The following TAFA1 variants were observed in gnomAD, a reference collection of about 807,000 sequenced individuals.
TAFA1 encodes the protein chemokine-like protein TAFA-1.
A neutral mutation model predicts 18.5 loss-of-function variants in TAFA1; 4 were observed. The ratio of observed to expected loss-of-function variants is 0.22; its 90% CI spans 0.11 to 0.49. The LOEUF (loss-of-function observed/expected upper bound fraction) is 0.49. TAFA1 is among the 20% of genes least tolerant of loss of function. TAFA1 has a pLI of 0.98. For missense variants in TAFA1, 147 were observed against 169.0 expected, an observed-to-expected ratio of 0.87 and a Z score of 0.72; for synonymous variants, 56 against 55.2, an observed-to-expected ratio of 1.01 and a Z score of -0.06.
At chr3:68,103,782 CCTTA>C (rs2065175057) in intron 2 of TAFA1, among the ~76,000 whole-genome samples, 2 of 152,128 alleles carry the variant, frequency 1.3e-5, no homozygotes, top group Admixed American at 1.3e-4. Flanking sequence ...GTCCTAAACA[CCTTA>C]CATGAATCAC....
intron 2 of TAFA1, among the ~76,000 whole-genome samples, chr3:68,219,554 C>T (rs1391774072): frequency 1.3e-5 from 2 of 152,100 alleles, no homozygotes; most frequent in African/African-American, 4.8e-5. Context: ...CCAGGGATCA[C>T]TCTCAGCTTC....
intron 2 of TAFA1, among the ~76,000 whole-genome samples, chr3:68,132,253 C>T (rs2065549320): frequency 6.6e-6 from 1 of 152,148 alleles, no homozygotes; most frequent in African/African-American, 2.4e-5. Context: ...TGTATATGTA[C>T]CACATTTTCT....
At chr3:68,285,985 G>A (rs570754428) in intron 2 of TAFA1, among the ~76,000 whole-genome samples, 2 of 152,222 alleles carry the variant, frequency 1.3e-5, no homozygotes, top group South Asian at 4.1e-4. Flanking sequence ...GGCTGAGGCA[G>A]GCAGATCACG....
intron 2 of TAFA1, among the ~76,000 whole-genome samples, chr3:68,088,894 C>T (rs1184420039): frequency 6.6e-6 from 1 of 152,098 alleles, no homozygotes; most frequent in Non-Finnish European, 1.5e-5. Context: ...CACATTCTGG[C>T]TCTATGTAAT....
intron 1 of TAFA1, chr3:68,006,410 T>C (rs933093778): frequency 9.7e-6 from 5 of 515,422 alleles, no homozygotes; most frequent in African/African-American, 9.5e-5. Flanking sequence ...GAGTTTTGTT[T>C]TGCAGAATTA....
At chr3:68,250,988 T>G (rs2067185116) in intron 2 of TAFA1, 1 of 152,168 alleles carries the variant, frequency 6.6e-6, no homozygotes, top group Non-Finnish European at 1.5e-5. Flanking sequence ...AACTTTTCAT[T>G]GCTTTTAGTT....
intron 2 of TAFA1, among the ~76,000 whole-genome samples, chr3:68,224,667 C>T (rs1472039591): frequency 6.6e-6 from 1 of 152,122 alleles, no homozygotes; most frequent in African/African-American, 2.4e-5. Flanking sequence ...CTCATAGGCT[C>T]TCATTTATGG....
chr3:67,995,947 C>T, the TAFA1 span, among the ~76,000 whole-genome samples: 55 of 152,268 alleles, frequency 3.6e-4, 1 homozygote, highest in East Asian at 4.8e-3. Flanking sequence ...TTCATTCATT[C>T]GCACATTCAT....
intron 2 of TAFA1, among the ~76,000 whole-genome samples, chr3:68,314,646 T>G (rs1392886204): frequency 6.6e-6 from 1 of 152,340 alleles, no homozygotes; most frequent in South Asian, 2.1e-4. Context: ...GCCTTTTCAC[T>G]GATACTAGTG....
chr3:68,532,293 G>T (rs2073199244), intron 3 of TAFA1, among the ~76,000 whole-genome samples: 1 of 152,162 alleles, frequency 6.6e-6, no homozygotes, highest in African/African-American at 2.4e-5. Context: ...GGCAAAACCT[G>T]GCAAAGAAAG....
At chr3:68,488,778 G>C (rs1197400505) in intron 3 of TAFA1, among the ~76,000 whole-genome samples, 1 of 152,170 alleles carries the variant, frequency 6.6e-6, no homozygotes, top group Non-Finnish European at 1.5e-5. Context: ...ATTAGTAGTG[G>C]AATTAAAGCT....
chr3:68,439,200 T>A (rs2071321099), intron 3 of TAFA1, among the ~76,000 whole-genome samples: 1 of 151,838 alleles, frequency 6.6e-6, no homozygotes, highest in Non-Finnish European at 1.5e-5. Context: ...TCTACTCTTC[T>A]TTCTTTTTAT....
At chr3:68,409,598 C>T (rs1282994005) in intron 2 of TAFA1, among the ~76,000 whole-genome samples, 2 of 152,120 alleles carry the variant, frequency 1.3e-5, no homozygotes, top group South Asian at 2.1e-4. Flanking sequence ...TCAGTTAAAC[C>T]TCTTTTATTT....
At chr3:68,211,226 G>A (rs2066592803) in intron 2 of TAFA1, among the ~76,000 whole-genome samples, 1 of 152,004 alleles carries the variant, frequency 6.6e-6, no homozygotes, top group Non-Finnish European at 1.5e-5. Flanking sequence ...CTGCACAAGG[G>A]CATGAATACC....
intron 2 of TAFA1, among the ~76,000 whole-genome samples, chr3:68,078,217 C>A (rs1460373301): frequency 2.6e-5 from 4 of 152,212 alleles, no homozygotes; most frequent in Admixed American, 6.5e-5. Context: ...TGGGCTGAGA[C>A]AATGGGGTTT....
chr3:68,033,514 C>T (rs1689050722), intron 2 of TAFA1, among the ~76,000 whole-genome samples: 2 of 152,136 alleles, frequency 1.3e-5, no homozygotes, highest in South Asian at 2.1e-4. Flanking sequence ...AGACATTTAT[C>T]GTTTAAACAA....
intron 2 of TAFA1, among the ~76,000 whole-genome samples, chr3:68,257,324 T>C (rs1300467637): frequency 1.3e-5 from 2 of 152,124 alleles, no homozygotes; most frequent in Non-Finnish European, 1.5e-5. Context: ...CATACTGACC[T>C]TTTCCTTTGT....
chr3:68,118,040 C>T (rs900514911), intron 2 of TAFA1, among the ~76,000 whole-genome samples: 8 of 151,948 alleles, frequency 5.3e-5, no homozygotes, highest in South Asian at 4.2e-4. Context: ...TTTCATGGAC[C>T]GAGGGTGGGA....
chr3:68,190,987 A>G lies in TAFA1; in HGVS notation c.118+184243A>G, dbSNP rs373905125. On this transcript the variant is annotated intron_variant, in intron 2 of 4. Transcript: ENST00000478136. ...GGATACTGCCTACATTGTACTACTTATGTTTTAAAAACCTTAAGACTCATC... is the reference window on the plus strand; with the variant it reads ...GGATACTGCCTACATTGTACTACTTGTGTTTTAAAAACCTTAAGACTCATC... Among the ~76,000 whole-genome samples, 22 of 151,898 alleles carry G rather than the reference A, an allele frequency of 1.4e-4. No individual in the cohort carries two copies. In the East Asian group the frequency reaches 2.3e-3, roughly 16 times the overall value.
Sources: gnomAD v4.1 joint callset for allele counts (sites outside exome capture counted in the v4.1 genomes callset) on GRCh38, gnomAD v4.1.1 for gene constraint, MANE v1.5 for transcripts, NCBI Gene and HGNC (gene_info 2026-07-23, HGNC 2026-07-21) for gene names.